NEGR1: variants seen among roughly 807,000 people sequenced by gnomAD.
NEGR1 encodes the protein IgLON family member 4.
A neutral mutation model predicts 40.9 loss-of-function variants in NEGR1; 10 were observed. The observed-to-expected ratio is 0.24, with a 90% CI of 0.15 to 0.42. The LOEUF (loss-of-function observed/expected upper bound fraction) is 0.42. NEGR1 is among the 10% of genes least tolerant of loss of function. NEGR1 has a pLI of 1.00. For synonymous variants in NEGR1, 185 were observed against 166.8 expected (o/e 1.11, Z -0.84); for missense variants, 352 against 438.9 (o/e 0.80, Z 1.77).
At chr1:72,116,706 C>T (rs1017701611) in intron 1 of NEGR1, among the ~76,000 whole-genome samples, 2 of 151,650 alleles carry the variant, frequency 1.3e-5, no homozygotes, top group Non-Finnish European at 3.0e-5. Flanking sequence ...CTTAAAAACA[C>T]ATTTCTATTA....
At chr1:71,612,166 G>C (rs1449396836) in intron 4 of NEGR1, among the ~76,000 whole-genome samples, 1 of 152,196 alleles carries the variant, frequency 6.6e-6, no homozygotes, top group Non-Finnish European at 1.5e-5. Flanking sequence ...AGCTTGCAGT[G>C]AGCCGAGATT....
chr1:71,424,328 G>A (rs188080835), intron 6 of NEGR1, among the ~76,000 whole-genome samples: 9 of 152,108 alleles, frequency 5.9e-5, no homozygotes, highest in South Asian at 4.1e-4. Flanking sequence ...TTATTCATTT[G>A]TTCATACATT....
At chr1:72,258,310 A>G (rs1570187247) in intron 1 of NEGR1, among the ~76,000 whole-genome samples, 1 of 152,326 alleles carries the variant, frequency 6.6e-6, no homozygotes, top group Admixed American at 6.5e-5. Context: ...TAAGAATTAT[A>G]TGGCTAGAAA....
At chr1:71,435,492 C>G (rs1646503419) in intron 6 of NEGR1, among the ~76,000 whole-genome samples, 2 of 151,786 alleles carry the variant, frequency 1.3e-5, no homozygotes, top group African/African-American at 2.4e-5. Flanking sequence ...GGATATCTGT[C>G]TGTACAGGTT....
intron 1 of NEGR1, among the ~76,000 whole-genome samples, chr1:71,986,503 T>C (rs952404967): frequency 6.6e-6 from 1 of 152,198 alleles, no homozygotes; most frequent in Non-Finnish European, 1.5e-5. Flanking sequence ...TCCCACTCAG[T>C]CCTGCTCCCA....
At chr1:71,933,489 T>G (rs961086707) in intron 2 of NEGR1, among the ~76,000 whole-genome samples, 7 of 152,034 alleles carry the variant, frequency 4.6e-5, no homozygotes, top group Non-Finnish European at 1.0e-4. Context: ...CTTTCTTTTT[T>G]CACATAATGA....
At chr1:71,597,790 G>T (rs1362432215) in intron 5 of NEGR1, among the ~76,000 whole-genome samples, 1 of 151,752 alleles carries the variant, frequency 6.6e-6, no homozygotes, top group South Asian at 2.1e-4. Flanking sequence ...GTGGGCGCCT[G>T]TAGTCCCTGC....
chr1:71,409,195 T>C (rs1375324792), intron 6 of NEGR1, among the ~76,000 whole-genome samples: 11 of 152,058 alleles, frequency 7.2e-5, no homozygotes, highest in Admixed American at 7.2e-4. Context: ...TTTAAAGCTA[T>C]GGAACTCCTC....
chr1:72,046,352 G>T (rs1476191543), intron 1 of NEGR1, among the ~76,000 whole-genome samples: 1 of 151,586 alleles, frequency 6.6e-6, no homozygotes, highest in Non-Finnish European at 1.5e-5. Flanking sequence ...GAGAATAATA[G>T]ATGTTTATAA....
intron 1 of NEGR1, among the ~76,000 whole-genome samples, chr1:71,981,559 G>T (rs191297799): frequency 1.9e-4 from 29 of 152,214 alleles, no homozygotes; most frequent in Non-Finnish European, 2.9e-4. Context: ...TTATTGAAAA[G>T]ATATTTATGA....
chr1:71,641,973 C>T (rs1030872674), intron 4 of NEGR1, among the ~76,000 whole-genome samples: 2 of 151,914 alleles, frequency 1.3e-5, no homozygotes, highest in Non-Finnish European at 2.9e-5. Flanking sequence ...GATCCATATG[C>T]TTGGGGCCTT....
intron 1 of NEGR1, among the ~76,000 whole-genome samples, chr1:72,211,597 CATTTT>C (rs1188376265): frequency 2.7e-5 from 4 of 150,286 alleles, no homozygotes; most frequent in African/African-American, 4.9e-5. Flanking sequence ...CAATGGCATT[CATTTT>C]ATTTTAAATA....
intron 6 of NEGR1, among the ~76,000 whole-genome samples, chr1:71,463,000 C>T (rs76495067): frequency 0.014 from 2,079 of 152,130 alleles, 40 homozygotes; most frequent in African/African-American, 0.048. Context: ...TGTTCTTTTA[C>T]TGGATCATGC....
chr1:71,600,169 C>T (rs1418840345), intron 5 of NEGR1, among the ~76,000 whole-genome samples: 1 of 152,206 alleles, frequency 6.6e-6, no homozygotes, highest in African/African-American at 2.4e-5. Flanking sequence ...CTAATAGTCT[C>T]TCACCAACTT....
Position 72,062,158 on chromosome 1 carries a change from G to T in NEGR1, c.177-126847C>A, listed in dbSNP as rs375558074. On this transcript the variant is annotated intron_variant, in intron 1 of 6. Coordinates refer to ENST00000357731, the MANE Select transcript of NEGR1 (RefSeq NM_173808.3). ...ACAAGATCCACTGTCTGTGTGTATG[G>T]CTATACCTAAGAAGTATGAAATTTC... 9.2e-5 allele frequency among the ~76,000 whole-genome samples: 14 copies of T among 151,926 alleles called. No homozygotes were observed. In the South Asian group the frequency reaches 2.9e-3, roughly 32 times the overall value.
intron 2 of NEGR1, among the ~76,000 whole-genome samples, chr1:71,847,804 A>G (rs1044029996): frequency 2.0e-5 from 3 of 152,216 alleles, no homozygotes; most frequent in Non-Finnish European, 2.9e-5. Flanking sequence ...AAATCAGATT[A>G]AATCACTTTA....
At chr1:71,858,550 A>C (rs1465623708) in intron 2 of NEGR1, among the ~76,000 whole-genome samples, 1 of 152,058 alleles carries the variant, frequency 6.6e-6, no homozygotes, top group Non-Finnish European at 1.5e-5. Context: ...AAGAAAAGTA[A>C]AGAGAATCTA....
chr1:71,607,224 T>G (rs1276710813), intron 5 of NEGR1, among the ~76,000 whole-genome samples: 1 of 152,234 alleles, frequency 6.6e-6, no homozygotes, highest in African/African-American at 2.4e-5. Context: ...TGTATCTGTT[T>G]CTGCTGTGTT....
At chr1:71,992,023 G>A (rs1457241249) in intron 1 of NEGR1, among the ~76,000 whole-genome samples, 1 of 151,876 alleles carries the variant, frequency 6.6e-6, no homozygotes, top group Admixed American at 6.6e-5. Flanking sequence ...ACGAACTCCT[G>A]AGCTCAGGCA....
Sources: allele counts gnomAD v4.1 joint callset (sites outside exome capture counted in the v4.1 genomes callset), GRCh38; gene constraint gnomAD v4.1.1; transcripts MANE v1.5; gene names NCBI Gene and HGNC (gene_info 2026-07-23, HGNC 2026-07-21).